ABLIM1: variants seen among roughly 807,000 people sequenced by gnomAD.
ABLIM1 encodes actin binding LIM protein 1.
Under a neutral mutation model 107.0 loss-of-function variants are expected in ABLIM1, and 40 were observed. That is an observed-to-expected ratio of 0.37 (90% CI 0.29 to 0.49). ABLIM1 has a LOEUF of 0.49. ABLIM1 is among the 20% of genes least tolerant of loss of function. The pLI, the probability that ABLIM1 is intolerant of heterozygous loss-of-function variation, is 0.97. For synonymous variants in ABLIM1, 357 were observed against 357.3 expected (o/e 1.00, Z 0.01); for missense variants, 857 against 1,008.5 (o/e 0.85, Z 2.04).
chr10:114,550,572 T>A (rs894407376), intron 4 of ABLIM1, among the ~76,000 whole-genome samples: 1 of 151,778 alleles, frequency 6.6e-6, no homozygotes, highest in African/African-American at 2.4e-5. Context: ...TAGCCCAGAG[T>A]CCACAGCTTA....
chr10:114,569,521 T>C (rs1299579363), intron 4 of ABLIM1, among the ~76,000 whole-genome samples: 1 of 152,114 alleles, frequency 6.6e-6, no homozygotes, highest in Non-Finnish European at 1.5e-5. Context: ...GGTTTCAACA[T>C]GTTGGACAGG....
intron 19 of ABLIM1, chr10:114,440,806 T>C (rs2060083481): frequency 1.5e-6 from 1 of 673,720 alleles, no homozygotes; most frequent in South Asian, 1.5e-5. Context: ...GAGCAATGAA[T>C]AAATTCTCAC....
chr10:114,581,015 T>C (rs1338831415), intron 2 of ABLIM1, among the ~76,000 whole-genome samples: 1 of 152,224 alleles, frequency 6.6e-6, no homozygotes, highest in African/African-American at 2.4e-5. Context: ...CTGCCCTTTT[T>C]TGCCACCACC....
intron 1 of ABLIM1, among the ~76,000 whole-genome samples, chr10:114,622,096 G>A (rs1002175439): frequency 5.9e-5 from 9 of 152,140 alleles, no homozygotes; most frequent in African/African-American, 1.9e-4. Flanking sequence ...CCTAGCTCAT[G>A]TGTCACTATG....
At chr10:114,791,973 C>G in the ABLIM1 span, among the ~76,000 whole-genome samples, 4 of 152,232 alleles carry the variant, frequency 2.6e-5, no homozygotes, top group African/African-American at 9.6e-5. Flanking sequence ...ACTTAATCCT[C>G]TTAGCAATTC....
rs557872703 is a variant in ABLIM1 at position 114,470,407 on chromosome 10, G to A, written c.1276-2191C>T. Reference sequence around the variant, plus strand: ...CACTACACTCCAGCTGGGTGACAGAGTGAGACTCCACCTCAAAAAAAAAAA... The same window carrying A: ...CACTACACTCCAGCTGGGTGACAGAATGAGACTCCACCTCAAAAAAAAAAA... On this transcript the variant is annotated intron_variant, in intron 10 of 22. Transcript: ENST00000533213. Among the ~76,000 whole-genome samples, 78 of 116,918 alleles carry A rather than the reference G, an allele frequency of 6.7e-4. No homozygotes were observed. The Middle Eastern group carries it at 0.021, about 32-fold the overall frequency. The allele number at this position is 116,918 out of a possible 152,430, so 76.7% of individuals were successfully genotyped here.
chr10:114,768,041 C>T, intron 1 of ABLIM1: 1 of 431,356 alleles, frequency 2.3e-6, no homozygotes, highest in South Asian at 1.6e-5. Flanking sequence ...GTGGACGGTG[C>T]CCACCTGGTC....
At chr10:114,743,820 A>C in intron 1 of ABLIM1, among the ~76,000 whole-genome samples, 1 of 152,200 alleles carries the variant, frequency 6.6e-6, no homozygotes, top group East Asian at 1.9e-4. Context: ...CAGCCTTGCC[A>C]CATGAACAAG....
chr10:114,621,990 C>T (rs891511081), intron 1 of ABLIM1, among the ~76,000 whole-genome samples: 5 of 152,328 alleles, frequency 3.3e-5, no homozygotes, highest in South Asian at 2.1e-4. Flanking sequence ...TCTCGTCCTG[C>T]GGACTCCAAT....
intron 6 of ABLIM1, among the ~76,000 whole-genome samples, chr10:114,519,849 T>C (rs1021719800): frequency 6.6e-6 from 1 of 152,202 alleles, no homozygotes; most frequent in Non-Finnish European, 1.5e-5. Context: ...ACTACCTCCC[T>C]GCTTAGCTCA....
At chr10:114,787,371 C>A in the ABLIM1 span, among the ~76,000 whole-genome samples, 3,149 of 151,654 alleles carry the variant, frequency 0.021, 55 homozygotes, top group Non-Finnish European at 0.031. Context: ...AGGAGCGTCT[C>A]CACCCGGCAG....
chr10:114,516,372 A>C (rs1565752247), intron 6 of ABLIM1, among the ~76,000 whole-genome samples: 1 of 152,112 alleles, frequency 6.6e-6, no homozygotes, highest in East Asian at 1.9e-4. Context: ...AAAAATACAA[A>C]AATTAGCCAA....
rs112974148 is a variant in ABLIM1, at chr10:114,582,266, T to C, written c.380-6667A>G. Reference sequence around the variant, plus strand: ...GTCAAGAATTCAATCCCATTTACAATAGCCACACACACAAAAACACCGAGG... The same window carrying C: ...GTCAAGAATTCAATCCCATTTACAACAGCCACACACACAAAAACACCGAGG... On this transcript the variant is annotated intron_variant, in intron 2 of 22. Coordinates refer to ENST00000533213, the MANE Select transcript of ABLIM1 (RefSeq NM_002313.7). Among the ~76,000 whole-genome samples, 1,177 of 152,046 alleles carry C rather than the reference T, an allele frequency of 7.7e-3. 15 individuals carry two copies. The highest frequency in any genetic ancestry group is 0.027 in the African/African-American group (1,103 of 41,480).
chr10:114,468,821 G>T (rs528357400), intron 10 of ABLIM1, among the ~76,000 whole-genome samples: 1 of 151,772 alleles, frequency 6.6e-6, no homozygotes, highest in Non-Finnish European at 1.5e-5. Context: ...GGAGGCTGAG[G>T]CTGGCGGACC....
intron 1 of ABLIM1, among the ~76,000 whole-genome samples, chr10:114,618,751 C>T (rs146056491): frequency 2.0e-5 from 3 of 152,348 alleles, no homozygotes; most frequent in Middle Eastern, 3.4e-3. Flanking sequence ...TAGCCCCCAA[C>T]CTGAAAGTAC....
chr10:114,738,239 G>A (rs1210891050), intron 1 of ABLIM1, among the ~76,000 whole-genome samples: 1 of 152,070 alleles, frequency 6.6e-6, no homozygotes. Context: ...TAGTAGAGAT[G>A]GGGCTTTGCC....
Position 114,491,012 on chromosome 10 carries a change from G to GTGTGTGTGTGTATGTATATATATA in ABLIM1, c.982+778_982+779insTATATATATACATACACACACACA. Among the ~76,000 whole-genome samples, 144 of 92,382 alleles carry GTGTGTGTGTGTATGTATATATATA rather than the reference G, an allele frequency of 1.6e-3. 4 individuals are homozygous for GTGTGTGTGTGTATGTATATATATA. The highest frequency in any genetic ancestry group is 6.4e-3 in the African/African-American group (138 of 21,696). 60.6% of individuals were successfully genotyped at this position (92,382 alleles called of 152,430 possible). On this transcript the variant is annotated intron_variant, in intron 7 of 22. Coordinates refer to ENST00000533213, the MANE Select transcript of ABLIM1 (RefSeq NM_002313.7). Reference sequence around the variant, plus strand: ...TGTGTGTGTGTGTGTGTGTGTGTGTGTATATATATATATGGTCTATTTTAT... The same window carrying GTGTGTGTGTGTATGTATATATATA: ...TGTGTGTGTGTGTGTGTGTGTGTGTGTGTGTGTGTGTATGTATATATATATATATATATATATGGTCTATTTTAT...
At chr10:114,511,159 G>T (rs1274198228) in intron 6 of ABLIM1, among the ~76,000 whole-genome samples, 1 of 151,946 alleles carries the variant, frequency 6.6e-6, no homozygotes, top group East Asian at 1.9e-4. Context: ...GTACAAGAAT[G>T]AAATGTTAAA....
chr10:114,565,788 C>CTTTTTT (rs577896964), intron 4 of ABLIM1, among the ~76,000 whole-genome samples: 1,867 of 100,934 alleles, frequency 0.018, 197 homozygotes, highest in Non-Finnish European at 0.023. Context: ...GAAATGATTT[C>CTTTTTT]TTTTTTTTTT....
Sources: gnomAD v4.1 joint callset for allele counts (sites outside exome capture counted in the v4.1 genomes callset) on GRCh38, gnomAD v4.1.1 for gene constraint, MANE v1.5 for transcripts, NCBI Gene and HGNC (gene_info 2026-07-23, HGNC 2026-07-21) for gene names.